The following ATE1 variants were observed in gnomAD, a reference collection of about 807,000 sequenced individuals.
ATE1 encodes the protein arginyl-tRNA--protein transferase 1.
A neutral mutation model predicts 70.5 loss-of-function variants in ATE1; 36 were observed. That is an observed-to-expected ratio of 0.51 (90% CI 0.39 to 0.67). ATE1 has a LOEUF of 0.67. Among genes scored for constraint, ATE1 ranks in the 30% least tolerant of loss-of-function variants. ATE1 has a pLI of 0.00. For synonymous variants in ATE1, 232 were observed against 219.3 expected (o/e 1.06, Z -0.51); for missense variants, 593 against 629.5 (o/e 0.94, Z 0.62).
At chr10:121,874,535 A>T (rs1238664013) in intron 7 of ATE1, among the ~76,000 whole-genome samples, 2 of 151,612 alleles carry the variant, frequency 1.3e-5, no homozygotes, top group Non-Finnish European at 2.9e-5. Flanking sequence ...GTTTGAGAAG[A>T]TCTTATTTAA....
At chr10:121,745,084 T>C (rs1944294670) in intron 11 of ATE1, among the ~76,000 whole-genome samples, 1 of 149,772 alleles carries the variant, frequency 6.7e-6, no homozygotes, top group South Asian at 2.2e-4. Flanking sequence ...CCATACCAGC[T>C]CCAGGTTGCC....
chr10:121,852,247 T>A (rs939479521), intron 8 of ATE1, among the ~76,000 whole-genome samples: 2 of 152,218 alleles, frequency 1.3e-5, no homozygotes, highest in African/African-American at 4.8e-5. Context: ...TCCCACATTG[T>A]ACCTGTACAA....
chr10:121,790,031 C>CACAA, intron 11 of ATE1, 138 bp downstream of exon 11: 1 of 1,233,546 alleles, frequency 8.1e-7, no homozygotes, highest in Non-Finnish European at 1.1e-6. Flanking sequence ...CTCTATCTTA[C>CACAA]ACACACACAC....
intron 11 of ATE1, among the ~76,000 whole-genome samples, chr10:121,776,732 G>A (rs899863664): frequency 6.6e-6 from 1 of 152,256 alleles, no homozygotes; most frequent in Admixed American, 6.5e-5. Flanking sequence ...GTGTAAGTGT[G>A]CACGCATGCA....
At chr10:121,757,538 T>TA (rs1261534955) in intron 11 of ATE1, among the ~76,000 whole-genome samples, 2 of 152,222 alleles carry the variant, frequency 1.3e-5, no homozygotes, top group African/African-American at 4.8e-5. Flanking sequence ...TAATTGGACT[T>TA]ACAGTTCCAC....
chr10:121,788,909 G>A lies in ATE1; in HGVS notation c.1378+1260C>T, dbSNP rs189548386. ...CTGTCTTACAAAGCCACGGCTAAAT[G>A]CCGTGAGGACTACAAGGGCTGTGTG... On this transcript the variant is annotated intron_variant, in intron 11 of 11. Transcript: ENST00000224652. 5.3e-5 allele frequency among the ~76,000 whole-genome samples: 8 copies of A among 152,326 alleles called. No individual in the cohort carries two copies. The East Asian group carries it at 1.4e-3, about 26-fold the overall frequency.
chr10:121,774,953 G>A (rs943087410), intron 11 of ATE1, among the ~76,000 whole-genome samples: 1 of 152,162 alleles, frequency 6.6e-6, no homozygotes, highest in African/African-American at 2.4e-5. Context: ...TCAGTCTAGA[G>A]TATGTCCAAA....
rs1202243963 is a variant in ATE1, at chr10:121,740,425, G to A, written c.*3255C>T. ...TAAGTAATGACCACCAAGAGCCACTGCAGATAGAAACAGCTTTATTTTTTC... is the reference window on the plus strand; with the variant it reads ...TAAGTAATGACCACCAAGAGCCACTACAGATAGAAACAGCTTTATTTTTTC... On this transcript the variant is annotated 3_prime_UTR_variant, in exon 12 of 12. Transcript: ENST00000224652. The A allele has an allele frequency of 2.0e-5, 3 of 151,984 alleles. No individual in the cohort carries two copies. The highest frequency in any genetic ancestry group is 4.4e-5 in the Non-Finnish European group (3 of 67,978). 9.4% of individuals were successfully genotyped at this position (151,984 alleles called of 1,614,324 possible). A position where few individuals can be genotyped will look rare whatever the true frequency, so the allele number is the denominator to read the frequency against.
At chr10:121,871,929 T>C (rs1949876846) in intron 7 of ATE1, among the ~76,000 whole-genome samples, 1 of 152,156 alleles carries the variant, frequency 6.6e-6, no homozygotes, top group African/African-American at 2.4e-5. Context: ...AGCTTTGTGG[T>C]CTTGGATTCT....
intron 11 of ATE1, among the ~76,000 whole-genome samples, chr10:121,750,640 T>C (rs533324279): frequency 9.1e-4 from 139 of 152,312 alleles, no homozygotes; most frequent in Middle Eastern, 3.4e-3. Flanking sequence ...CTTATGGGGA[T>C]TTAACTCATT....
chr10:121,913,082 T>G (rs937265973), intron 4 of ATE1, among the ~76,000 whole-genome samples: 1 of 152,196 alleles, frequency 6.6e-6, no homozygotes, highest in Non-Finnish European at 1.5e-5. Flanking sequence ...GGTTTCACCA[T>G]GTTAACCAGA....
intron 7 of ATE1, among the ~76,000 whole-genome samples, chr10:121,890,618 C>T (rs1276340256): frequency 6.6e-6 from 1 of 152,098 alleles, no homozygotes; most frequent in Non-Finnish European, 1.5e-5. Context: ...GGGTTTATGA[C>T]TAGGCTGTTT....
At chr10:121,902,646 C>A (rs759459557) in intron 5 of ATE1, 26 bp from the exon 6 acceptor site, 2 of 1,559,932 alleles carry the variant, frequency 1.3e-6, no homozygotes, top group Non-Finnish European at 1.7e-6. Flanking sequence ...AAATATTAGA[C>A]CAATCACATT....
At chr10:121,862,555 G>C (rs1355021974) in intron 8 of ATE1, among the ~76,000 whole-genome samples, 1 of 20,528 alleles carries the variant, frequency 4.9e-5, no homozygotes, top group Non-Finnish European at 1.0e-4. Context: ...TTTTTTTTTT[G>C]TAGAGACGTG....
At chr10:121,906,161 A>T (rs1052853588) in intron 5 of ATE1, among the ~76,000 whole-genome samples, 3 of 152,202 alleles carry the variant, frequency 2.0e-5, no homozygotes, top group Non-Finnish European at 4.4e-5. Context: ...TGGGAGGCCA[A>T]GGTGAGAGGA....
At chr10:121,765,922 G>A (rs180976559) in intron 11 of ATE1, among the ~76,000 whole-genome samples, 38 of 152,296 alleles carry the variant, frequency 2.5e-4, no homozygotes, top group Admixed American at 1.1e-3. Context: ...GGGAGAAGGA[G>A]GAAGACAGAT....
chr10:121,809,255 A>C (rs1482801768), intron 10 of ATE1, among the ~76,000 whole-genome samples: 3 of 152,198 alleles, frequency 2.0e-5, no homozygotes, highest in Non-Finnish European at 4.4e-5. Context: ...GTTTTGAGAA[A>C]ATGTCTCTCA....
At chr10:121,785,886 T>C (rs1379147851) in intron 11 of ATE1, among the ~76,000 whole-genome samples, 1 of 152,158 alleles carries the variant, frequency 6.6e-6, no homozygotes, top group Non-Finnish European at 1.5e-5. Flanking sequence ...TTTGCGAACA[T>C]TTCAATGTAT....
chr10:121,911,035 C>T lies in ATE1; in HGVS notation c.454G>A (p.Glu152Lys). The change falls in exon 5 of 12, where the codon GAG becomes AAG. Residue 152 changes from glutamate (E) to lysine (K), a missense_variant. By Grantham distance (56) the Glu-to-Lys change is moderately conservative (BLOSUM62 1). Transcript: ENST00000224652. ...TLSDDIKESL[E>K]SEGKNSKKEE... ...TTCTTTGAATTTTTTCCTTCACTCT[C>T]TAAACTCTCTTTGATGTCATCACTG... 1 of 1,613,976 alleles carries T rather than the reference C, an allele frequency of 6.2e-7. No individual in the cohort carries two copies. Among genetic ancestry groups the T allele is most frequent in the Non-Finnish European group, 8.5e-7 (1 of 1,180,018 alleles).
Sources: gnomAD v4.1 joint callset for allele counts (sites outside exome capture counted in the v4.1 genomes callset) on GRCh38, gnomAD v4.1.1 for gene constraint, MANE v1.5 for transcripts, NCBI Gene and HGNC (gene_info 2026-07-23, HGNC 2026-07-21) for gene names.